MFSD6: variants seen among roughly 807,000 people sequenced by gnomAD.
The protein encoded by MFSD6 is major facilitator superfamily domain-containing protein 6.
MFSD6 carries 26 observed loss-of-function variants against 56.3 expected under a neutral mutation model. The observed-to-expected ratio is 0.46, with a 90% CI of 0.34 to 0.64. MFSD6 has a LOEUF of 0.64. MFSD6 is among the 30% of genes least tolerant of loss of function. The pLI, the probability that MFSD6 is intolerant of heterozygous loss-of-function variation, is 0.01. For missense variants in MFSD6, 750 were observed against 986.2 expected (o/e 0.76, Z 3.21); for synonymous variants, 331 against 366.9 (o/e 0.90, Z 1.12).
chr2:190,422,772 T>C (rs1008859607), intron 2 of MFSD6, among the ~76,000 whole-genome samples: 9 of 152,206 alleles, frequency 5.9e-5, no homozygotes, highest in South Asian at 2.1e-4. Flanking sequence ...CTTGAAATTT[T>C]AAAGTTTTCT....
chr2:190,497,292 G>T lies in MFSD6; in HGVS notation c.1892-147G>T. ...TGATTCAGTACTTACACCAAGTAAT[G>T]AAGTCATTGGTAACCAGCAATTTAT... On this transcript the variant is annotated intron_variant, in intron 6 of 7. Transcript: ENST00000392328. The surrounding 1 kb of genome is among the most constrained non-coding windows in gnomAD (Gnocchi z 5.2). The T allele has an allele frequency of 1.2e-6, 1 of 836,610 alleles. No individual in the cohort carries two copies. The allele number at this position is 836,610 out of a possible 1,614,324, so 51.8% of individuals were successfully genotyped here. A position where few individuals can be genotyped will look rare whatever the true frequency, so the allele number is the denominator to read the frequency against.
At position 190,471,033 on chromosome 2, in the gene MFSD6, T is replaced by A. The variant is rs765157743; in HGVS notation, c.1630+1178T>A. ...TTTAATAATAAGAAATTATTGTTTCTAATAATTAGAACTCTGGAAGGGTCT... is the reference window on the plus strand; with the variant it reads ...TTTAATAATAAGAAATTATTGTTTCAAATAATTAGAACTCTGGAAGGGTCT... On this transcript the variant is annotated intron_variant, in intron 4 of 7. Coordinates refer to ENST00000392328, the MANE Select transcript of MFSD6 (RefSeq NM_017694.4). This position sits in a 1 kb window ranked among gnomAD's most constrained non-coding sequence, Gnocchi z 4.7. 3.3e-5 allele frequency among the ~76,000 whole-genome samples: 5 copies of A among 152,144 alleles called. No individual in the cohort carries two copies. Among genetic ancestry groups the A allele is most frequent in the Non-Finnish European group, 2.9e-5 (2 of 68,028 alleles).
In MFSD6 at chr2:190,431,024, ACGGGG is replaced by A. The variant is rs1685971321; in HGVS notation, c.-53-4952_-53-4948del. Among the ~76,000 whole-genome samples, 1 of 111,788 alleles carries A rather than the reference ACGGGG, an allele frequency of 8.9e-6. No homozygotes were observed. The highest frequency in any genetic ancestry group is 2.8e-4 in the South Asian group (1 of 3,616). The allele number at this position is 111,788 out of a possible 152,430, so 73.3% of individuals were successfully genotyped here. A position where few individuals can be genotyped will look rare whatever the true frequency, so the allele number is the denominator to read the frequency against. On this transcript the variant is annotated intron_variant, in intron 2 of 7. Coordinates refer to ENST00000392328, the MANE Select transcript of MFSD6 (RefSeq NM_017694.4). The surrounding 1 kb of genome is among the most constrained non-coding windows in gnomAD (Gnocchi z 4.4). The stretch of plus-strand genomic sequence containing the variant: ...GGCAGAGACGCTCCTCACCTCCCAG[ACGGGG>A]TCGCGGCCGGGCAGAGGCGCTCCTC...
At chr2:190,421,410 A>G (rs1351813301) in intron 2 of MFSD6, among the ~76,000 whole-genome samples, 1 of 152,216 alleles carries the variant, frequency 6.6e-6, no homozygotes, top group Non-Finnish European at 1.5e-5. Context: ...CAAAATCCAC[A>G]TGACTCCATA....
In MFSD6 at chr2:190,488,612, AG is replaced by A; in HGVS notation, c.1631-44del. 1.4e-6 allele frequency: 2 copies of A among 1,403,434 alleles called. No homozygotes were observed. Among genetic ancestry groups the A allele is most frequent in the Non-Finnish European group, 1.9e-6 (2 of 1,067,230 alleles). The allele number at this position is 1,403,434 out of a possible 1,614,324, so 86.9% of individuals were successfully genotyped here. A position where few individuals can be genotyped will look rare whatever the true frequency, so the allele number is the denominator to read the frequency against. ...TCACATTTCAAAACAGAGTAGCCTAAGAAATGCTAACCAACTAATCCCTCCT... is the reference window on the plus strand; with the variant it reads ...TCACATTTCAAAACAGAGTAGCCTAAAAATGCTAACCAACTAATCCCTCCT... On this transcript the variant is annotated intron_variant, in intron 4 of 7. Transcript: ENST00000392328. This position sits in a 1 kb window ranked among gnomAD's most constrained non-coding sequence, Gnocchi z 6.4.
Position 190,431,507 on chromosome 2 carries a change from A to T in MFSD6, c.-53-4470A>T, listed in dbSNP as rs1188562986. On this transcript the variant is annotated intron_variant, in intron 2 of 7. Transcript: ENST00000392328. The surrounding 1 kb of genome is among the most constrained non-coding windows in gnomAD (Gnocchi z 4.4). ...CACTCGCGATTAGGAGCTGGAGACT[A>T]GCCCGGCCAACACAGCGAAACCCCG... Among the ~76,000 whole-genome samples the T allele has an allele frequency of 2.6e-5, 4 of 152,236 alleles. No homozygotes were observed. The highest frequency in any genetic ancestry group is 4.4e-5 in the Non-Finnish European group (3 of 68,028).
At position 190,461,164 on chromosome 2, in the gene MFSD6, T is replaced by C. The variant is rs1687309608; in HGVS notation, c.1533-8594T>C. Reference sequence around the variant, plus strand: ...ATGTTGTATGGTTTTGAAGCCAAAATAGAAACCCAGACAGTGATCCCTTCA... The same window carrying C: ...ATGTTGTATGGTTTTGAAGCCAAAACAGAAACCCAGACAGTGATCCCTTCA... On this transcript the variant is annotated intron_variant, in intron 3 of 7. Transcript: ENST00000392328. The surrounding 1 kb of genome is among the most constrained non-coding windows in gnomAD (Gnocchi z 5.5). 6.6e-6 allele frequency among the ~76,000 whole-genome samples: 1 copy of C among 152,210 alleles called. No individual in the cohort carries two copies. The highest frequency in any genetic ancestry group is 2.1e-4 in the South Asian group (1 of 4,832).
Position 190,455,934 on chromosome 2 carries a change from CTTTTTTTTTTTTT to C in MFSD6, c.1533-13812_1533-13800del, listed in dbSNP as rs34054506. Among the ~76,000 whole-genome samples, 3 of 65,388 alleles carry C rather than the reference CTTTTTTTTTTTTT, an allele frequency of 4.6e-5. No individual in the cohort carries two copies. The Admixed American group carries it at 8.0e-4, about 17-fold the overall frequency. 42.9% of individuals were successfully genotyped at this position (65,388 alleles called of 152,430 possible). On this transcript the variant is annotated intron_variant, in intron 3 of 7. Coordinates refer to ENST00000392328, the MANE Select transcript of MFSD6 (RefSeq NM_017694.4). ...GTCTACTGTAATTGTATTTACTCTG[CTTTTTTTTTTTTT>C]TTTTTTTTTTTGAGACTGAGTCTCA...
Position 190,482,903 on chromosome 2 carries a change from T to TTTG in MFSD6, c.1631-5754_1631-5753insTTG, listed in dbSNP as rs544591315. 4.1e-3 allele frequency among the ~76,000 whole-genome samples: 350 copies of TTTG among 86,222 alleles called. 118 individuals carry two copies. Among genetic ancestry groups the TTTG allele is most frequent in the South Asian group, 0.011 (24 of 2,252 alleles). The allele number at this position is 86,222 out of a possible 152,430, so 56.6% of individuals were successfully genotyped here. Reference sequence around the variant, plus strand: ...TTTTTTTTTTTTTTTTTTTTTTTTTTAGACGGAGTCTCACTCTGTCGCCCA... The same window carrying TTTG: ...TTTTTTTTTTTTTTTTTTTTTTTTTTTTGAGACGGAGTCTCACTCTGTCGCCCA... On this transcript the variant is annotated intron_variant, in intron 4 of 7. Coordinates refer to ENST00000392328, the MANE Select transcript of MFSD6 (RefSeq NM_017694.4).
rs368005249 is a variant in MFSD6, at chr2:190,443,402, A to G, written c.1532+5841A>G. ...AGACTAGATGAGATAAAACATGGCA[A>G]TTGCTTCAACAATGACCAGCATAGA... On this transcript the variant is annotated intron_variant, in intron 3 of 7. Coordinates refer to ENST00000392328, the MANE Select transcript of MFSD6 (RefSeq NM_017694.4). The surrounding 1 kb of genome is among the most constrained non-coding windows in gnomAD (Gnocchi z 4.2). Among the ~76,000 whole-genome samples the G allele has an allele frequency of 1.3e-5, 2 of 152,306 alleles. No individual in the cohort carries two copies. Among genetic ancestry groups the G allele is most frequent in the African/African-American group, 4.8e-5 (2 of 41,564 alleles).
At position 190,469,877 on chromosome 2, in the gene MFSD6, A is replaced by G. The variant is rs751035591; in HGVS notation, c.1630+22A>G. 31 of 1,530,280 alleles carry G rather than the reference A, an allele frequency of 2.0e-5. No homozygotes were observed. In the East Asian group the frequency reaches 7.0e-4, roughly 35 times the overall value. The allele number at this position is 1,530,280 out of a possible 1,614,324, so 94.8% of individuals were successfully genotyped here. On this transcript the variant is annotated intron_variant, in intron 4 of 7. Coordinates refer to ENST00000392328, the MANE Select transcript of MFSD6 (RefSeq NM_017694.4). This position sits in a 1 kb window ranked among gnomAD's most constrained non-coding sequence, Gnocchi z 5.3. ...CAAGGTAAGTTAACAGCTGGGATTG[A>G]AATTATTTCTCTGCCTTCCCTGAGC... is the stretch of plus-strand genomic sequence containing the variant.
At position 190,431,575 on chromosome 2, in the gene MFSD6, C is replaced by G. The variant is rs1396273968; in HGVS notation, c.-53-4402C>G. Among the ~76,000 whole-genome samples, 2 of 152,220 alleles carry G rather than the reference C, an allele frequency of 1.3e-5. No individual in the cohort carries two copies. The highest frequency in any genetic ancestry group is 4.8e-5 in the African/African-American group (2 of 41,462). ...CGAAAACCAGTCAGGTGTGGCGGCG[C>G]GCGCCTGCAATCGCAGGCACTTGGC... On this transcript the variant is annotated intron_variant, in intron 2 of 7. Coordinates refer to ENST00000392328, the MANE Select transcript of MFSD6 (RefSeq NM_017694.4). The surrounding 1 kb of genome is among the most constrained non-coding windows in gnomAD (Gnocchi z 4.4).
At chr2:190,464,891 T>C in intron 3 of MFSD6, 1 of 982,770 alleles carries the variant, frequency 1.0e-6, no homozygotes, top group Non-Finnish European at 1.2e-6. Context: ...TTCACTGTGG[T>C]TTTTAGTGGC....
chr2:190,477,606 A>G (rs72907127), intron 4 of MFSD6, among the ~76,000 whole-genome samples: 1,889 of 152,298 alleles, frequency 0.012, 17 homozygotes, highest in Non-Finnish European at 0.019. Flanking sequence ...TTTATTAAAG[A>G]TATATTAAAT....
Position 190,489,993 on chromosome 2 carries a change from G to C in MFSD6, c.1891+127G>C. ...TCTGTTTGGCTCAATTTTCTGAGTG[G>C]CGTATCGATGAATTCATGTGGACTA... is the stretch of plus-strand genomic sequence containing the variant. On this transcript the variant is annotated intron_variant, in intron 6 of 7. Transcript: ENST00000392328. The surrounding 1 kb of genome is among the most constrained non-coding windows in gnomAD (Gnocchi z 6.6). The C allele has an allele frequency of 1.5e-6, 1 of 683,554 alleles. No individual in the cohort carries two copies. The highest frequency in any genetic ancestry group is 2.4e-6 in the Non-Finnish European group (1 of 418,188). 42.3% of individuals were successfully genotyped at this position (683,554 alleles called of 1,614,324 possible). A position where few individuals can be genotyped will look rare whatever the true frequency, so the allele number is the denominator to read the frequency against.
rs999859249 is a variant in MFSD6, at chr2:190,492,807, G to A, written c.1891+2941G>A. ...AAGAACTACCAAGCCAGCACTCCAA[G>A]AACTACCAAGCCAGAACTACAAGAA... On this transcript the variant is annotated intron_variant, in intron 6 of 7. Transcript: ENST00000392328. This position sits in a 1 kb window ranked among gnomAD's most constrained non-coding sequence, Gnocchi z 5.2. 2.0e-5 allele frequency among the ~76,000 whole-genome samples: 3 copies of A among 151,930 alleles called. No individual in the cohort carries two copies. Among genetic ancestry groups the A allele is most frequent in the Non-Finnish European group, 4.4e-5 (3 of 67,968 alleles).
chr2:190,455,193 C>A (rs569203248), intron 3 of MFSD6, among the ~76,000 whole-genome samples: 2 of 152,062 alleles, frequency 1.3e-5, no homozygotes, highest in Non-Finnish European at 2.9e-5. Context: ...AAAATAGAGA[C>A]TAGTATCATT....
At chr2:190,449,842 C>T (rs1454550005) in intron 3 of MFSD6, among the ~76,000 whole-genome samples, 5 of 151,440 alleles carry the variant, frequency 3.3e-5, no homozygotes, top group African/African-American at 7.3e-5. Context: ...GGGAGGGGAA[C>T]ATCACACTCT....
At chr2:190,482,656 CCTT>C (rs1354737373) in intron 4 of MFSD6, among the ~76,000 whole-genome samples, 1 of 148,204 alleles carries the variant, frequency 6.7e-6, no homozygotes, top group Admixed American at 6.7e-5. Context: ...GCAGCTGTCT[CCTT>C]AAGAAGAAAG....
Sources: allele counts gnomAD v4.1 joint callset (sites outside exome capture counted in the v4.1 genomes callset), GRCh38; gene constraint gnomAD v4.1.1; non-coding constraint Gnocchi (gnomAD v3.1); transcripts MANE v1.5; gene names NCBI Gene and HGNC (gene_info 2026-07-23, HGNC 2026-07-21).